Variants in EFHC1 observed in about 807,000 individuals in gnomAD.
EFHC1 encodes EF-hand domain-containing protein 1.
Under a neutral mutation model 69.9 loss-of-function variants are expected in EFHC1, and 53 were observed. The observed-to-expected ratio is 0.76, with a 90% confidence interval of 0.61 to 0.95. The LOEUF is 0.95. EFHC1 is among the 40% of genes least tolerant of loss of function. EFHC1 has a pLI of 0.00. For missense variants in EFHC1, 739 were observed against 798.7 expected (o/e 0.93, Z 0.90); for synonymous variants, 256 against 278.4 (o/e 0.92, Z 0.80).
chr6:52,475,504 C>T (rs1403793081), intron 7 of EFHC1, among the ~76,000 whole-genome samples: 3 of 152,042 alleles, frequency 2.0e-5, no homozygotes, highest in Non-Finnish European at 2.9e-5. Context: ...GCAAAGCTTT[C>T]GAAGAACAGA....
intron 3 of EFHC1, among the ~76,000 whole-genome samples, chr6:52,446,749 A>G (rs941207334): frequency 6.6e-6 from 1 of 152,152 alleles, no homozygotes; most frequent in African/African-American, 2.4e-5. Context: ...CTTTTAGGGC[A>G]GGCCTGGTGG....
chr6:52,461,894 TATA>T (rs1214796944), intron 5 of EFHC1, among the ~76,000 whole-genome samples: 1 of 152,110 alleles, frequency 6.6e-6, no homozygotes, highest in East Asian at 1.9e-4. Flanking sequence ...ACTAGGAAAA[TATA>T]ATAATTCTAA....
Position 52,495,114 on chromosome 6 carries a change from G to A in EFHC1, c.*2773G>A. 4.4e-6 allele frequency: 2 copies of A among 454,050 alleles called. No individual in the cohort carries two copies. Among genetic ancestry groups the A allele is most frequent in the South Asian group, 3.1e-5 (2 of 64,474 alleles). The allele number at this position is 454,050 out of a possible 1,614,324, so 28.1% of individuals were successfully genotyped here. On this transcript the variant is annotated 3_prime_UTR_variant, in exon 11 of 11. Coordinates refer to ENST00000371068, the MANE Select transcript of EFHC1 (RefSeq NM_018100.4). ...TGGTATGGTCTCCAAGGCTCCTTCT[G>A]ATCTTCCCAGGAGGCCCTTTCAGGC...
chr6:52,453,803 A>G (rs1462036409), intron 4 of EFHC1: 1 of 1,290,702 alleles, frequency 7.7e-7, no homozygotes, highest in Non-Finnish European at 1.0e-6. Flanking sequence ...TGCTCTTTTA[A>G]TTTAGCTTCT....
At chr6:52,469,558 A>AATCT in intron 7 of EFHC1, 85 bp downstream of exon 7, 1 of 1,562,972 alleles carries the variant, frequency 6.4e-7, no homozygotes, top group Non-Finnish European at 8.7e-7. Context: ...GCTGTAGATT[A>AATCT]ACAGCTGTCA....
chr6:52,467,482 A>G (rs192907754), intron 6 of EFHC1, among the ~76,000 whole-genome samples: 92 of 152,214 alleles, frequency 6.0e-4, no homozygotes, highest in Non-Finnish European at 1.0e-4. Flanking sequence ...CACCGGCCTG[A>G]TCTGTCTTTT....
At chr6:52,478,794 G>A (rs1257622995) in intron 7 of EFHC1, among the ~76,000 whole-genome samples, 2 of 152,122 alleles carry the variant, frequency 1.3e-5, no homozygotes, top group African/African-American at 4.8e-5. Context: ...TAGCAACATT[G>A]GGCCTACATT....
intron 9 of EFHC1, chr6:52,483,869 G>A (rs761107799): frequency 6.6e-6 from 1 of 152,222 alleles, no homozygotes; most frequent in African/African-American, 2.4e-5. Context: ...ATGGGAAGAG[G>A]GGGAGAACCT....
chr6:52,457,855 T>C (rs1455035925), intron 5 of EFHC1, among the ~76,000 whole-genome samples: 1 of 152,194 alleles, frequency 6.6e-6, no homozygotes, highest in African/African-American at 2.4e-5. Flanking sequence ...ATGTATTTCC[T>C]CACTTTCTGT....
At position 52,465,044 on chromosome 6, in the gene EFHC1, A is replaced by T. The variant is rs1312274350; in HGVS notation, c.1066A>T (p.Lys356Ter). ...TGATCCATTTACTCGACGGTATTAC[A>T]AAGAGAAGTTTGGAATCACTGATTT... Reference protein sequence around the residue: ...DCDPFTRRYYKEKFGITDLPR... With the variant: ...DCDPFTRRYY Residue 356 changes from lysine (K) to a stop codon, truncating the protein, a stop_gained, in exon 6 of 11, where the codon AAA becomes TAA. Transcript: ENST00000371068. LOFTEE classifies it high-confidence loss of function. 6.2e-7 allele frequency: 1 copy of T among 1,614,160 alleles called. No individual in the cohort carries two copies. Among genetic ancestry groups the T allele is most frequent in the Non-Finnish European group, 8.5e-7 (1 of 1,180,040 alleles).
In EFHC1 at chr6:52,465,052, G is replaced by A; in HGVS notation, c.1074G>A (p.Lys358=). Residue 358 remains lysine (K), a synonymous_variant, in exon 6 of 11, where the codon AAG becomes AAA. Transcript: ENST00000371068. ...TTACTCGACGGTATTACAAAGAGAA[G>A]TTTGGAATCACTGATTTACCACGTA... ...DPFTRRYYKE[K]FGITDLPRID... The A allele has an allele frequency of 1.2e-6, 2 of 1,614,124 alleles. No individual in the cohort carries two copies. Among genetic ancestry groups the A allele is most frequent in the East Asian group, 2.2e-5 (1 of 44,874 alleles).
At chr6:52,478,969 GC>G in intron 7 of EFHC1, 67 bp from the exon 8 acceptor site, 1 of 1,446,846 alleles carries the variant, frequency 6.9e-7, no homozygotes, top group South Asian at 1.1e-5. Context: ...GCCCCTATAG[GC>G]ATTTAAGTTG....
At chr6:52,433,132 G>T (rs1166873253) in intron 2 of EFHC1, among the ~76,000 whole-genome samples, 1 of 151,536 alleles carries the variant, frequency 6.6e-6, no homozygotes, top group East Asian at 1.9e-4. Context: ...CCTTTCTCTG[G>T]TGCCTTCCTG....
At chr6:52,465,505 TAAATA>T (rs1206391256) in intron 6 of EFHC1, among the ~76,000 whole-genome samples, 58 of 152,190 alleles carry the variant, frequency 3.8e-4, no homozygotes, top group African/African-American at 1.3e-3. Context: ...TTTTTATAAG[TAAATA>T]AAATGTATAT....
chr6:52,486,891 C>G (rs1765798183), intron 9 of EFHC1: 1 of 152,084 alleles, frequency 6.6e-6, no homozygotes, highest in Non-Finnish European at 1.5e-5. Context: ...ATGGACTCTT[C>G]TCATTTAGTC....
At chr6:52,431,955 C>T (rs866196988) in intron 2 of EFHC1, among the ~76,000 whole-genome samples, 5 of 152,062 alleles carry the variant, frequency 3.3e-5, no homozygotes, top group African/African-American at 1.2e-4. Flanking sequence ...TAATGTCCCT[C>T]TTTGTCTTTT....
At position 52,494,402 on chromosome 6, in the gene EFHC1, T is replaced by C. The variant is rs1765993661; in HGVS notation, c.*2061T>C. ...TTACTCCCTTCTTTCTGTCTTCTGC[T>C]CCCTTTGTTCCTATTCAGCCATGCT... On this transcript the variant is annotated 3_prime_UTR_variant, in exon 11 of 11. Transcript: ENST00000371068. 3 of 454,018 alleles carry C rather than the reference T, an allele frequency of 6.6e-6. No individual in the cohort carries two copies. Among genetic ancestry groups the C allele is most frequent in the Non-Finnish European group, 1.3e-5 (3 of 226,804 alleles). The allele number at this position is 454,018 out of a possible 1,614,324, so 28.1% of individuals were successfully genotyped here. A position where few individuals can be genotyped will look rare whatever the true frequency, so the allele number is the denominator to read the frequency against.
At chr6:52,481,027 T>G (rs1409675609) in intron 9 of EFHC1, among the ~76,000 whole-genome samples, 1 of 152,130 alleles carries the variant, frequency 6.6e-6, no homozygotes. Context: ...GGCTGTTTTG[T>G]TGAAAGTAGA....
chr6:52,427,432 C>T (rs1764324056), intron 2 of EFHC1, among the ~76,000 whole-genome samples: 2 of 152,132 alleles, frequency 1.3e-5, no homozygotes, highest in Admixed American at 1.3e-4. Flanking sequence ...TGGCATTTCT[C>T]CTATCTGAAA....
Sources: allele counts gnomAD v4.1 joint callset (sites outside exome capture counted in the v4.1 genomes callset), GRCh38; gene constraint gnomAD v4.1.1; transcripts MANE v1.5; gene names NCBI Gene and HGNC (gene_info 2026-07-23, HGNC 2026-07-21).